L3MBTL4: variants seen among roughly 807,000 people sequenced by gnomAD.
L3MBTL4 encodes lethal(3)malignant brain tumor-like protein 4.
In L3MBTL4, 70 loss-of-function variants were observed where a neutral mutation model predicts 84.5. That is an observed-to-expected ratio of 0.83 (90% CI 0.68 to 1.01). The LOEUF (loss-of-function observed/expected upper bound fraction) is 1.01. L3MBTL4 is among the 50% of genes least tolerant of loss of function. L3MBTL4 has a pLI of 0.00. For synonymous variants in L3MBTL4, 274 were observed against 259.8 expected, an observed-to-expected ratio of 1.05 and a Z score of -0.52; for missense variants, 715 against 754.8, an observed-to-expected ratio of 0.95 and a Z score of 0.62.
intron 16 of L3MBTL4, among the ~76,000 whole-genome samples, chr18:6,078,439 CA>C (rs769376748): frequency 3.1e-3 from 134 of 43,756 alleles, no homozygotes; most frequent in Middle Eastern, 0.013. Context: ...AAAAAAAAAA[CA>C]AAAAAAAAAA....
intron 16 of L3MBTL4, among the ~76,000 whole-genome samples, chr18:5,972,279 G>A (rs1325452975): frequency 2.6e-5 from 4 of 152,182 alleles, no homozygotes; most frequent in African/African-American, 4.8e-5. Flanking sequence ...TACATCATGA[G>A]ACAGAAAGTT....
At chr18:6,362,014 T>G (rs2053716870) in intron 1 of L3MBTL4, among the ~76,000 whole-genome samples, 1 of 150,980 alleles carries the variant, frequency 6.6e-6, no homozygotes, top group African/African-American at 2.4e-5. Flanking sequence ...GAGGCTGAGG[T>G]GGGTGGATCC....
chr18:6,007,085 G>A (rs1386186579), intron 16 of L3MBTL4, among the ~76,000 whole-genome samples: 1 of 151,698 alleles, frequency 6.6e-6, no homozygotes, highest in Non-Finnish European at 1.5e-5. Context: ...GGTAAACAAG[G>A]GCAACTGAAG....
chr18:6,185,999 T>A (rs568425122), intron 12 of L3MBTL4, among the ~76,000 whole-genome samples: 1 of 128,498 alleles, frequency 7.8e-6, no homozygotes, highest in African/African-American at 4.0e-5. Flanking sequence ...ATTTTATTAT[T>A]TTATATTTTA....
chr18:6,169,912 G>A (rs2043881772), intron 13 of L3MBTL4, among the ~76,000 whole-genome samples: 1 of 151,876 alleles, frequency 6.6e-6, no homozygotes, highest in Admixed American at 6.6e-5. Context: ...TTTCAAATCT[G>A]GAACTCTTAG....
At chr18:6,116,348 G>A (rs1302952076) in intron 14 of L3MBTL4, among the ~76,000 whole-genome samples, 1 of 147,538 alleles carries the variant, frequency 6.8e-6, no homozygotes, top group Admixed American at 6.8e-5. Context: ...TTGTTGTTGT[G>A]GTTGTTGCTG....
chr18:6,176,259 A>G (rs2044220829), intron 12 of L3MBTL4, among the ~76,000 whole-genome samples: 1 of 152,182 alleles, frequency 6.6e-6, no homozygotes, highest in African/African-American at 2.4e-5. Context: ...CAATTTTGTA[A>G]AAAAAATTAA....
intron 16 of L3MBTL4, among the ~76,000 whole-genome samples, chr18:6,034,955 AGTGTCTGTTCAT>A (rs1182633815): frequency 6.6e-6 from 1 of 151,172 alleles, no homozygotes; most frequent in African/African-American, 2.4e-5. Flanking sequence ...TCTTTTGAGA[AGTGTCTGTTCAT>A]GTCCTTTGCC....
At chr18:6,143,947 C>T (rs1338638931) in intron 13 of L3MBTL4, among the ~76,000 whole-genome samples, 2 of 152,062 alleles carry the variant, frequency 1.3e-5, no homozygotes, top group African/African-American at 2.4e-5. Context: ...CCTGTAATCC[C>T]AGCATTTTGG....
In L3MBTL4 at chr18:5,993,154, G is replaced by T. The variant is rs116770081; in HGVS notation, c.1445-23592C>A. Among the ~76,000 whole-genome samples the T allele has an allele frequency of 3.3e-3, 502 of 152,316 alleles. 3 individuals are homozygous for T. Among genetic ancestry groups the T allele is most frequent in the African/African-American group, 0.011 (471 of 41,576 alleles). Reference sequence around the variant, plus strand: ...AGCGCTCACACCAAAGTGAGCACAGGTGTATCTGTCAGGAGGAGGAAGCCT... The same window carrying T: ...AGCGCTCACACCAAAGTGAGCACAGTTGTATCTGTCAGGAGGAGGAAGCCT... On this transcript the variant is annotated intron_variant, in intron 16 of 18. Transcript: ENST00000317931.
intron 13 of L3MBTL4, among the ~76,000 whole-genome samples, chr18:6,167,015 A>T (rs1418559276): frequency 6.6e-6 from 1 of 152,210 alleles, no homozygotes; most frequent in Non-Finnish European, 1.5e-5. Context: ...ATCCCACAGA[A>T]ATACAAACTA....
intron 10 of L3MBTL4, among the ~76,000 whole-genome samples, chr18:6,234,861 T>C (rs1319614315): frequency 2.0e-5 from 3 of 152,154 alleles, no homozygotes; most frequent in Non-Finnish European, 4.4e-5. Context: ...TAAAGACACA[T>C]GCACATGTAT....
chr18:6,173,426 G>A (rs547992080), intron 12 of L3MBTL4, among the ~76,000 whole-genome samples: 7 of 152,284 alleles, frequency 4.6e-5, no homozygotes, highest in African/African-American at 1.7e-4. Flanking sequence ...GCAGATCAGA[G>A]TGCATGATGC....
intron 17 of L3MBTL4, among the ~76,000 whole-genome samples, chr18:5,967,014 C>T (rs28420878): frequency 0.34 from 51,362 of 151,844 alleles, 9,047 homozygotes; most frequent in East Asian, 0.52. Flanking sequence ...TGGGTGTCTC[C>T]TTCTCATCCA....
At chr18:5,973,637 G>A (rs938588017) in intron 16 of L3MBTL4, among the ~76,000 whole-genome samples, 2 of 152,162 alleles carry the variant, frequency 1.3e-5, no homozygotes, top group African/African-American at 2.4e-5. Flanking sequence ...GGCATAGACC[G>A]TTTCCAGAAA....
chr18:6,382,452 C>T (rs1041316526), intron 1 of L3MBTL4, among the ~76,000 whole-genome samples: 2 of 152,102 alleles, frequency 1.3e-5, no homozygotes, highest in African/African-American at 2.4e-5. Context: ...CTGGTTTCTC[C>T]CCATCTTTGT....
At chr18:6,297,402 G>C (rs1046766125) in intron 4 of L3MBTL4, among the ~76,000 whole-genome samples, 11 of 152,324 alleles carry the variant, frequency 7.2e-5, no homozygotes, top group Admixed American at 6.5e-4. Context: ...TTAGTGAATA[G>C]TGATGTCAAT....
rs111493504 is a variant in L3MBTL4 at position 6,250,984 on chromosome 18, T to C, written c.220-6396A>G. ...GAAGTCTTACATAGGCGAACTGTGA[T>C]ATAAACAGCTTGACCACAGAGAATT... On this transcript the variant is annotated intron_variant, in intron 5 of 18. Coordinates refer to ENST00000317931, the MANE Select transcript of L3MBTL4 (RefSeq NM_001330559.2). Among the ~76,000 whole-genome samples, 344 of 152,358 alleles carry C rather than the reference T, an allele frequency of 2.3e-3. 2 individuals are homozygous for C. Among genetic ancestry groups the C allele is most frequent in the African/African-American group, 7.6e-3 (318 of 41,582 alleles).
intron 16 of L3MBTL4, among the ~76,000 whole-genome samples, chr18:5,971,660 G>A (rs1188810365): frequency 6.6e-6 from 1 of 152,204 alleles, no homozygotes; most frequent in African/African-American, 2.4e-5. Context: ...CCGGAAAGCT[G>A]TGTGCTCCCC....
Sources: gnomAD v4.1 joint callset for allele counts (sites outside exome capture counted in the v4.1 genomes callset) on GRCh38, gnomAD v4.1.1 for gene constraint, MANE v1.5 for transcripts, NCBI Gene and HGNC (gene_info 2026-07-23, HGNC 2026-07-21) for gene names.